The following PCDH1 variants were observed in gnomAD, a reference collection of about 807,000 sequenced individuals.
PCDH1 encodes the protein protocadherin 1.
PCDH1 carries 23 observed loss-of-function variants against 74.6 expected under a neutral mutation model. That is an observed-to-expected ratio of 0.31 (90% CI 0.22 to 0.44). PCDH1 has a LOEUF of 0.44. PCDH1 is among the 20% of genes least tolerant of loss of function. The pLI, the probability that PCDH1 is intolerant of heterozygous loss-of-function variation, is 1.00. For synonymous variants in PCDH1, 647 were observed against 686.1 expected (o/e 0.94, Z 0.89); for missense variants, 1,214 against 1,641.4 (o/e 0.74, Z 4.50).
Position 141,863,971 on chromosome 5 carries a change from A to G in PCDH1, c.2360T>C (p.Leu787Pro). 1 of 1,614,156 alleles carries G rather than the reference A, an allele frequency of 6.2e-7. No homozygotes were observed. Among genetic ancestry groups the G allele is most frequent in the Non-Finnish European group, 8.5e-7 (1 of 1,180,020 alleles). Reference protein sequence around the residue: ...EKEIERRHHGLHRLVVKVSDR... With the variant: ...EKEIERRHHGPHRLVVKVSDR... ...ACTGACCTTCACCACCAGGCGGTGT[A>G]GCCCATGGTGGCGCCGCTCAATCTC... The change falls in exon 3 of 5, where the codon CTA (leucine) becomes CCA (proline). Residue 787 changes from leucine to proline, a missense_variant. Coordinates refer to ENST00000287008, the MANE Select transcript of PCDH1 (RefSeq NM_032420.5). This position sits in a 1 kb window ranked among gnomAD's most constrained non-coding sequence, Gnocchi z 7.5.
At position 141,857,450 on chromosome 5, in the gene PCDH1, A is replaced by T; in HGVS notation, c.3121T>A (p.Phe1041Ile). 1 of 1,613,900 alleles carries T rather than the reference A, an allele frequency of 6.2e-7. No homozygotes were observed. The change falls in exon 4 of 5, where the codon TTC becomes ATC. Residue 1041 changes from phenylalanine (F) to isoleucine (I), a missense_variant. By Grantham distance (21) the Phe-to-Ile change is conservative. Coordinates refer to ENST00000287008, the MANE Select transcript of PCDH1 (RefSeq NM_032420.5). Reference sequence around the variant, plus strand: ...TCCTGGGCCTGGCTGGTGGCCGAGAAGGTGACGCGGCGGTGAGGTAACTGC... The same window carrying T: ...TCCTGGGCCTGGCTGGTGGCCGAGATGGTGACGCGGCGGTGAGGTAACTGC... ...SKQLPHRRVTFSATSQAQELQ... is the reference protein window; with the variant it reads ...SKQLPHRRVTISATSQAQELQ...
At chr5:141,858,077 G>A (rs1752425662) in intron 3 of PCDH1, among the ~76,000 whole-genome samples, 2 of 152,152 alleles carry the variant, frequency 1.3e-5, no homozygotes, top group Admixed American at 1.3e-4. Context: ...CACTGCTCTT[G>A]CCACTGCCTC....
At position 141,868,016 on chromosome 5, in the gene PCDH1, G is replaced by T. The variant is rs1752925451; in HGVS notation, c.903+553C>A. Among the ~76,000 whole-genome samples the T allele has an allele frequency of 6.6e-6, 1 of 152,212 alleles. No homozygotes were observed. The highest frequency in any genetic ancestry group is 2.4e-5 in the African/African-American group (1 of 41,458). Reference sequence around the variant, plus strand: ...TATGGGCACCCCATGCCTAGGGGAGGAGGCATGTATACAGACACCCTAGTA... The same window carrying T: ...TATGGGCACCCCATGCCTAGGGGAGTAGGCATGTATACAGACACCCTAGTA... On this transcript the variant is annotated intron_variant, in intron 2 of 4. Transcript: ENST00000287008. This position sits in a 1 kb window ranked among gnomAD's most constrained non-coding sequence, Gnocchi z 4.8.
chr5:141,864,288 G>A lies in PCDH1; in HGVS notation c.2043C>T (p.Tyr681=), dbSNP rs1290066388. Reference sequence around the variant, plus strand: ...CATCCACTGCCTTCAGCTGGAAGGTGTAGGTGCTTTGTTGCTCTCGATCAA... The same window carrying A: ...CATCCACTGCCTTCAGCTGGAAGGTATAGGTGCTTTGTTGCTCTCGATCAA... The part of the protein sequence containing the change: ...LSFDREQQST[Y]TFQLKAVDGG... Residue 681 remains tyrosine (Y), a synonymous_variant, in exon 3 of 5, where the codon TAC becomes TAT. Transcript: ENST00000287008. This position sits in a 1 kb window ranked among gnomAD's most constrained non-coding sequence, Gnocchi z 5.9. 3 of 1,614,022 alleles carry A rather than the reference G, an allele frequency of 1.9e-6. No individual in the cohort carries two copies. Among genetic ancestry groups the A allele is most frequent in the Non-Finnish European group, 8.5e-7 (1 of 1,179,860 alleles).
chr5:141,854,053 T>G lies in PCDH1; in HGVS notation c.3703A>C (p.Ile1235Leu). Residue 1235 changes from isoleucine (I) to leucine (L), a missense_variant, in exon 5 of 5, where the codon ATC becomes CTC. Ile to Leu is a conservative substitution (Grantham distance 5). Coordinates refer to ENST00000287008, the MANE Select transcript of PCDH1 (RefSeq NM_032420.5). ...GGCCAGTAGGGGGCTCACAGGTAGATCTCGCGCTTGGCCGTCTGGGCAGAT... is the reference window on the plus strand; with the variant it reads ...GGCCAGTAGGGGGCTCACAGGTAGAGCTCGCGCTTGGCCGTCTGGGCAGAT... ...PASAQTAKRE[I>L]YL 1 of 1,514,146 alleles carries G rather than the reference T, an allele frequency of 6.6e-7. No individual in the cohort carries two copies. The highest frequency in any genetic ancestry group is 8.8e-7 in the Non-Finnish European group (1 of 1,130,814). The allele number at this position is 1,514,146 out of a possible 1,614,324, so 93.8% of individuals were successfully genotyped here.
In PCDH1 at chr5:141,863,489, C is replaced by A. The variant is rs772914406; in HGVS notation, c.2842G>T (p.Asp948Tyr). The A allele has an allele frequency of 1.9e-6, 3 of 1,608,856 alleles. No homozygotes were observed. The highest frequency in any genetic ancestry group is 2.5e-6 in the Non-Finnish European group (3 of 1,177,606). The change falls in exon 3 of 5, where the codon GAC becomes TAC. Residue 948 changes from aspartate to tyrosine, a missense_variant. Around this residue, in one of 4 missense-constraint regions of PCDH1, gnomAD observed 836 missense variants for 1,182.2 expected, o/e 0.71. Coordinates refer to ENST00000287008, the MANE Select transcript of PCDH1 (RefSeq NM_032420.5). This position sits in a 1 kb window ranked among gnomAD's most constrained non-coding sequence, Gnocchi z 7.5. ...AGGGGCAGGTGGATGCGGGGACTGT[C>A]CCCAGGGGCATCGCTCATCAGGTTG... is the stretch of plus-strand genomic sequence containing the variant. Reference protein sequence around the residue: ...KFNLMSDAPGDSPRIHLPLNY... With the variant: ...KFNLMSDAPGYSPRIHLPLNY...
At position 141,865,938 on chromosome 5, in the gene PCDH1, T is replaced by C. The variant is rs1457128714; in HGVS notation, c.904-511A>G. The C allele has an allele frequency of 1.8e-6, 1 of 549,426 alleles. No individual in the cohort carries two copies. Among genetic ancestry groups the C allele is most frequent in the African/African-American group, 2.0e-5 (1 of 49,200 alleles). The allele number at this position is 549,426 out of a possible 1,614,324, so 34.0% of individuals were successfully genotyped here. A position where few individuals can be genotyped will look rare whatever the true frequency, so the allele number is the denominator to read the frequency against. ...TGTCAGAATGTGTGATTAAATGTGA[T>C]ATGTTTGTGTGAGAAGGTATATGTG... is the stretch of plus-strand genomic sequence containing the variant. On this transcript the variant is annotated intron_variant, in intron 2 of 4. Coordinates refer to ENST00000287008, the MANE Select transcript of PCDH1 (RefSeq NM_032420.5). This position sits in a 1 kb window ranked among gnomAD's most constrained non-coding sequence, Gnocchi z 4.4.
chr5:141,862,474 C>T (rs1752604061), intron 3 of PCDH1, among the ~76,000 whole-genome samples: 1 of 151,918 alleles, frequency 6.6e-6, no homozygotes, highest in Non-Finnish European at 1.5e-5. Context: ...TGGATAGGGA[C>T]ATGGGGGTGG....
rs956174988 is a variant in PCDH1 at position 141,869,648 on chromosome 5, C to A, written c.41-217G>T. On this transcript the variant is annotated intron_variant, in intron 1 of 4. Transcript: ENST00000287008. This position sits in a 1 kb window ranked among gnomAD's most constrained non-coding sequence, Gnocchi z 4.9. ...GCAGTGTCTGCCCCAGCTGGAGGAG[C>A]CAGTAAGAGGCCTGGCATGCCTAGA... 8.5e-6 allele frequency: 13 copies of A among 1,532,778 alleles called. No individual in the cohort carries two copies. Among genetic ancestry groups the A allele is most frequent in the Non-Finnish European group, 1.0e-5 (12 of 1,145,578 alleles). 94.9% of individuals were successfully genotyped at this position (1,532,778 alleles called of 1,614,324 possible).
chr5:141,862,324 G>C (rs536795816), intron 3 of PCDH1, among the ~76,000 whole-genome samples: 1 of 152,330 alleles, frequency 6.6e-6, no homozygotes, highest in Non-Finnish European at 1.5e-5. Context: ...TCAAGCCTCA[G>C]ATGGGGCAGG....
Position 141,868,578 on chromosome 5 carries a change from C to A in PCDH1, c.894G>T (p.Ser298=), listed in dbSNP as rs771023309. 49 of 1,531,074 alleles carry A rather than the reference C, an allele frequency of 3.2e-5. No individual in the cohort carries two copies. Among genetic ancestry groups the A allele is most frequent in the Non-Finnish European group, 4.0e-5 (46 of 1,140,370 alleles). 94.8% of individuals were successfully genotyped at this position (1,531,074 alleles called of 1,614,324 possible). Residue 298 remains serine (S), a synonymous_variant, in exon 2 of 5, where the codon TCG becomes TCT. Transcript: ENST00000287008. This position sits in a 1 kb window ranked among gnomAD's most constrained non-coding sequence, Gnocchi z 4.8. Reference sequence around the variant, plus strand: ...GGAGGGGGCCTCTCACCTGGATGACCGAGTGGCCTATGGGGCTATTCTCAG... The same window carrying A: ...GGAGGGGGCCTCTCACCTGGATGACAGAGTGGCCTATGGGGCTATTCTCAG... ...ELSENSPIGH[S]VIQVKANDSD... is the part of the protein sequence containing the mutation.
At chr5:141,858,761 T>C (rs1251937697) in intron 3 of PCDH1, among the ~76,000 whole-genome samples, 1 of 152,158 alleles carries the variant, frequency 6.6e-6, no homozygotes, top group Non-Finnish European at 1.5e-5. Flanking sequence ...CCCAGGGCCC[T>C]GCTGATGAGT....
In PCDH1 at chr5:141,868,923, G is replaced by A. The variant is rs749745259; in HGVS notation, c.549C>T (p.Ile183=). Residue 183 remains isoleucine, a synonymous_variant, in exon 2 of 5, where the codon ATC becomes ATT. Coordinates refer to ENST00000287008, the MANE Select transcript of PCDH1 (RefSeq NM_032420.5). The surrounding 1 kb of genome is among the most constrained non-coding windows in gnomAD (Gnocchi z 4.8). ...CCAGCGGGATGGGGAAGAGTGAGCC[G>A]ATGTTGGTGTTCTCAGGGATGGCCA... is the stretch of plus-strand genomic sequence containing the variant. ...ITLAIPENTN[I]GSLFPIPLAS... is the part of the protein sequence containing the mutation. The A allele has an allele frequency of 1.7e-5, 28 of 1,614,092 alleles. No individual in the cohort carries two copies. The highest frequency in any genetic ancestry group is 2.7e-5 in the African/African-American group (2 of 74,926).
At chr5:141,857,623 G>A (rs576917812) in intron 3 of PCDH1, 152 bp from the exon 4 acceptor site, 17 of 619,200 alleles carry the variant, frequency 2.7e-5, no homozygotes, top group South Asian at 1.9e-4. Context: ...CATTCCTCCC[G>A]AAAGCACAGG....
chr5:141,874,906 G>A (rs1753181957), intron 1 of PCDH1, among the ~76,000 whole-genome samples: 1 of 152,120 alleles, frequency 6.6e-6, no homozygotes, highest in African/African-American at 2.4e-5. Context: ...CAGAGAGCAA[G>A]TGTGCAGACC....
At position 141,863,067 on chromosome 5, in the gene PCDH1, C is replaced by A. The variant is rs945912090; in HGVS notation, c.3099+165G>T. 3.7e-6 allele frequency: 5 copies of A among 1,368,510 alleles called. No individual in the cohort carries two copies. The Admixed American group carries it at 1.6e-4, about 44-fold the overall frequency. 84.8% of individuals were successfully genotyped at this position (1,368,510 alleles called of 1,614,324 possible). On this transcript the variant is annotated intron_variant, in intron 3 of 4. Transcript: ENST00000287008. The surrounding 1 kb of genome is among the most constrained non-coding windows in gnomAD (Gnocchi z 7.5). Reference sequence around the variant, plus strand: ...TCTTCACTCAGCCTAATCCGTGTGCCCGGTGAGGCACTAAGGCCCCACCTC... The same window carrying A: ...TCTTCACTCAGCCTAATCCGTGTGCACGGTGAGGCACTAAGGCCCCACCTC...
intron 3 of PCDH1, among the ~76,000 whole-genome samples, chr5:141,861,484 GAATA>G (rs1752563393): frequency 6.6e-6 from 1 of 152,178 alleles, no homozygotes; most frequent in Non-Finnish European, 1.5e-5. Flanking sequence ...GACGCTAAAG[GAATA>G]GGAGAAAGAC....
chr5:141,870,687 C>A (rs1753071351), intron 1 of PCDH1, among the ~76,000 whole-genome samples: 1 of 152,204 alleles, frequency 6.6e-6, no homozygotes, highest in South Asian at 2.1e-4. Flanking sequence ...TAACCCCCTT[C>A]TTCTGCCCAT....
Position 141,865,350 on chromosome 5 carries a change from C to A in PCDH1, c.981G>T (p.Arg327Ser), listed in dbSNP as rs753240380. The change falls in exon 3 of 5, where the codon AGG becomes AGT. Residue 327 changes from arginine (R) to serine (S), a missense_variant. Physicochemically the swap from Arg to Ser is moderately radical, Grantham distance 110. This residue lies in a region of PCDH1 where 836 missense variants were observed against 1,182.2 expected (regional missense o/e 0.71). Coordinates refer to ENST00000287008, the MANE Select transcript of PCDH1 (RefSeq NM_032420.5). The surrounding 1 kb of genome is among the most constrained non-coding windows in gnomAD (Gnocchi z 4.4). ...TGTTCCTGTCCAGTCGAAGAAGACG[C>A]CTCACAACTTCGGGCGCCTGGTGGA... The part of the protein sequence containing the change: ...YTFHQAPEVV[R>S]RLLRLDRNTG... The A allele has an allele frequency of 3.7e-6, 6 of 1,614,148 alleles. No homozygotes were observed. The highest frequency in any genetic ancestry group is 1.7e-6 in the Non-Finnish European group (2 of 1,180,034).
Sources: allele counts gnomAD v4.1 joint callset (sites outside exome capture counted in the v4.1 genomes callset), GRCh38; gene constraint gnomAD v4.1.1; regional missense constraint gnomAD v4.1.1; non-coding constraint Gnocchi (gnomAD v3.1); transcripts MANE v1.5; gene names NCBI Gene and HGNC (gene_info 2026-07-23, HGNC 2026-07-21).